Variants in NKAIN3 observed in about 807,000 individuals in gnomAD.
The protein encoded by NKAIN3 is sodium/potassium transporting ATPase interacting 3, also known as sodium/potassium-transporting ATPase subunit beta-1-interacting protein 3.
In NKAIN3, 25 loss-of-function variants were observed where a neutral mutation model predicts 30.2. That is an observed-to-expected ratio of 0.83 (90% CI 0.60 to 1.16). The LOEUF is 1.16. Ranked by LOEUF, NKAIN3 falls within the 50% of genes most tolerant of loss-of-function variation. The pLI, the probability that NKAIN3 is intolerant of heterozygous loss-of-function variation, is 0.00. For synonymous variants in NKAIN3, 91 were observed against 89.6 expected, an observed-to-expected ratio of 1.02 and a Z score of -0.09; for missense variants, 225 against 254.1, an observed-to-expected ratio of 0.89 and a Z score of 0.78.
intron 5 of NKAIN3, among the ~76,000 whole-genome samples, chr8:62,947,772 A>C (rs1823166496): frequency 6.6e-6 from 1 of 152,216 alleles, no homozygotes; most frequent in Admixed American, 6.5e-5. Context: ...GAGAGCAACA[A>C]GGTCTCCAGC....
At position 62,928,417 on chromosome 8, in the gene NKAIN3, C is replaced by T. The variant is rs150027194; in HGVS notation, c.532+9904C>T. Among the ~76,000 whole-genome samples the T allele has an allele frequency of 2.9e-3, 444 of 152,254 alleles. 2 individuals are homozygous for T. The highest frequency in any genetic ancestry group is 0.01 in the African/African-American group (424 of 41,556). On this transcript the variant is annotated intron_variant, in intron 5 of 6. Transcript: ENST00000623646. ...ATTTTCTGAAGACATCTTTCTTTGT[C>T]ACAGTTCAATCAACTACAAAACTCC...
rs905070938 is a variant in NKAIN3, at chr8:62,921,630, T to C, written c.532+3117T>C. Among the ~76,000 whole-genome samples the C allele has an allele frequency of 4.6e-5, 7 of 152,238 alleles. No individual in the cohort carries two copies. The South Asian group carries it at 1.2e-3, about 27-fold the overall frequency. ...ACAAAAGGCAGAGTGCTAGGTGGGG[T>C]CAGAGCTTCTCGTCATTCATTCTAA... On this transcript the variant is annotated intron_variant, in intron 5 of 6. Coordinates refer to ENST00000623646, the MANE Select transcript of NKAIN3 (RefSeq NM_001304533.3).
chr8:62,782,091 T>G (rs965201815), intron 4 of NKAIN3, among the ~76,000 whole-genome samples: 4 of 151,452 alleles, frequency 2.6e-5, no homozygotes, highest in African/African-American at 9.7e-5. Flanking sequence ...GAAAAAATTC[T>G]CATTAAAAAA....
intron 3 of NKAIN3, among the ~76,000 whole-genome samples, chr8:62,593,799 G>T (rs1292051505): frequency 6.6e-6 from 1 of 152,002 alleles, no homozygotes; most frequent in Non-Finnish European, 1.5e-5. Context: ...TTGCTAGAGG[G>T]AGTAACTTTC....
chr8:62,688,773 A>C (rs1486912135), intron 3 of NKAIN3, among the ~76,000 whole-genome samples: 1 of 149,676 alleles, frequency 6.7e-6, no homozygotes, highest in African/African-American at 2.5e-5. Context: ...CACACACACA[A>C]AACCATAACG....
intron 5 of NKAIN3, among the ~76,000 whole-genome samples, chr8:62,952,041 C>T (rs976263599): frequency 6.6e-6 from 1 of 152,186 alleles, no homozygotes; most frequent in Non-Finnish European, 1.5e-5. Flanking sequence ...TTCAAATAAT[C>T]TTCCCAACTT....
chr8:62,855,790 C>A, intron 4 of NKAIN3: 2 of 1,042,092 alleles, frequency 1.9e-6, no homozygotes, highest in Non-Finnish European at 3.0e-6. Context: ...CTTTTATCAT[C>A]AGCAAAGAGT....
chr8:62,988,425 T>A (rs1824248223), downstream of NKAIN3, among the ~76,000 whole-genome samples: 1 of 152,266 alleles, frequency 6.6e-6, no homozygotes, highest in Admixed American at 6.5e-5. Context: ...TGCCTGGATA[T>A]CCAGGTGTTT....
At chr8:62,676,365 G>A (rs1813474652) in intron 3 of NKAIN3, among the ~76,000 whole-genome samples, 3 of 152,264 alleles carry the variant, frequency 2.0e-5, no homozygotes, top group South Asian at 2.1e-4. Flanking sequence ...TTAGGAGGTC[G>A]AGACCATCCT....
chr8:62,882,221 T>A (rs1586306442), intron 4 of NKAIN3, among the ~76,000 whole-genome samples: 1 of 152,342 alleles, frequency 6.6e-6, no homozygotes, highest in East Asian at 1.9e-4. Context: ...CTCTTGAAAC[T>A]GTCTCAGAGC....
chr8:62,888,062 A>G (rs1821198715), intron 4 of NKAIN3, among the ~76,000 whole-genome samples: 1 of 152,164 alleles, frequency 6.6e-6, no homozygotes, highest in Admixed American at 6.5e-5. Flanking sequence ...CCTTGCGATT[A>G]AGTCTCAGTT....
intron 4 of NKAIN3, among the ~76,000 whole-genome samples, chr8:62,808,521 AC>A (rs1269573460): frequency 6.6e-6 from 1 of 152,094 alleles, no homozygotes; most frequent in Non-Finnish European, 1.5e-5. Flanking sequence ...CTAAGTGTCG[AC>A]CGGTCTGAGA....
chr8:62,298,424 C>T (rs76288139), intron 1 of NKAIN3, among the ~76,000 whole-genome samples: 2,541 of 152,092 alleles, frequency 0.017, 61 homozygotes, highest in African/African-American at 0.055. Flanking sequence ...ATAATTAAGA[C>T]GGTAGGCCCC....
At chr8:62,658,970 G>A (rs534811072) in intron 3 of NKAIN3, among the ~76,000 whole-genome samples, 21 of 152,058 alleles carry the variant, frequency 1.4e-4, no homozygotes, top group Non-Finnish European at 2.5e-4. Context: ...GTGACAAAAA[G>A]TGAGAGTGAG....
At chr8:62,306,571 TG>T (rs148192917) in intron 1 of NKAIN3, among the ~76,000 whole-genome samples, 11 of 146,816 alleles carry the variant, frequency 7.5e-5, no homozygotes, top group African/African-American at 2.1e-4. Context: ...TGTGTGTGTG[TG>T]TGTGTTGTGT....
chr8:62,319,116 T>G (rs2129589238), intron 1 of NKAIN3, among the ~76,000 whole-genome samples: 1 of 152,376 alleles, frequency 6.6e-6, no homozygotes, highest in South Asian at 2.1e-4. Context: ...CTAGTTTATT[T>G]GTGTAGAGAT....
chr8:62,750,346 C>A (rs556683831), intron 4 of NKAIN3, among the ~76,000 whole-genome samples: 1 of 152,204 alleles, frequency 6.6e-6, no homozygotes, highest in African/African-American at 2.4e-5. Context: ...ACAGCCTGAG[C>A]AAGTGCCTCG....
At chr8:62,682,950 G>T (rs2130422533) in intron 3 of NKAIN3, among the ~76,000 whole-genome samples, 1 of 152,300 alleles carries the variant, frequency 6.6e-6, no homozygotes, top group African/African-American at 2.4e-5. Flanking sequence ...CTAGGGCCCT[G>T]CTCAGCACCT....
chr8:62,500,090 C>CA (rs1807378632), intron 1 of NKAIN3, among the ~76,000 whole-genome samples: 2 of 152,094 alleles, frequency 1.3e-5, no homozygotes, highest in East Asian at 3.9e-4. Context: ...GGCAAGATTG[C>CA]AGGGGGTCCT....
Sources: gnomAD v4.1 joint callset for allele counts (sites outside exome capture counted in the v4.1 genomes callset) on GRCh38, gnomAD v4.1.1 for gene constraint, MANE v1.5 for transcripts, NCBI Gene and HGNC (gene_info 2026-07-23, HGNC 2026-07-21) for gene names.